Variants in ZNF136 observed in about 807,000 individuals in gnomAD.
ZNF136 encodes zinc finger protein 136 (clone pHZ-20).
In ZNF136, 8 loss-of-function variants were observed where a neutral mutation model predicts 11.4. The ratio of observed to expected loss-of-function variants is 0.70; its 90% confidence interval spans 0.41 to 1.27. ZNF136 has a LOEUF of 1.27. Ranked by LOEUF, ZNF136 falls within the 50% of genes most tolerant of loss-of-function variation. The pLI is 0.01. For synonymous variants in ZNF136, 190 were observed against 207.1 expected, an observed-to-expected ratio of 0.92 and a Z score of 0.71; for missense variants, 590 against 656.5, an observed-to-expected ratio of 0.90 and a Z score of 1.11.
Position 12,186,633 on chromosome 19 carries a change from C to G in ZNF136, c.255C>G (p.Ser85Arg), listed in dbSNP as rs1271792551. The G allele has an allele frequency of 3.7e-6, 6 of 1,614,058 alleles. No individual in the cohort carries two copies. The highest frequency in any genetic ancestry group is 5.1e-6 in the Non-Finnish European group (6 of 1,179,988). The change falls in exon 4 of 4, where the codon AGC (serine) becomes AGG (arginine). Residue 85 changes from serine (S) to arginine (R), a missense_variant. Coordinates refer to ENST00000343979, the MANE Select transcript of ZNF136 (RefSeq NM_003437.5). Reference protein sequence around the residue: ...KDGSQRGGIFSQFANQNLSKK... With the variant: ...KDGSQRGGIFRQFANQNLSKK... ...GTAGTCAGCGTGGAGGAATTTTTAG[C>G]CAGTTTGCAAATCAGAATCTGAGCA...
At position 12,187,235 on chromosome 19, in the gene ZNF136, G is replaced by GT. The variant is rs1915128281; in HGVS notation, c.858dup (p.Lys287Ter). ...AAACCCTTTAAATGTAAGCAATGTGGTAAAGCCTTCAGTTGTTCCCCAACC... is the reference window on the plus strand; with the variant it reads ...AAACCCTTTAAATGTAAGCAATGTGGTTAAAGCCTTCAGTTGTTCCCCAACC... On this transcript the variant is annotated frameshift_variant, in exon 4 of 4. Transcript: ENST00000343979. LOFTEE classifies it low-confidence loss of function (END_TRUNC). 6.2e-7 allele frequency: 1 copy of GT among 1,613,836 alleles called. No individual in the cohort carries two copies. The highest frequency in any genetic ancestry group is 1.3e-5 in the African/African-American group (1 of 74,874).
rs187716229 is a variant in ZNF136, at chr19:12,180,118, G to A, written c.4-5667G>A. 4.5e-3 allele frequency among the ~76,000 whole-genome samples: 677 copies of A among 152,084 alleles called. 3 individuals carry two copies. The highest frequency in any genetic ancestry group is 0.015 in the African/African-American group (640 of 41,500). ...CCTGACCTCGTGATCTGCCTGCCTC[G>A]GTCTCCCAAAGTGCTGGGATTACAG... On this transcript the variant is annotated intron_variant, in intron 1 of 3. Coordinates refer to ENST00000343979, the MANE Select transcript of ZNF136 (RefSeq NM_003437.5).
In ZNF136 at chr19:12,187,821, T is replaced by A; in HGVS notation, c.1443T>A (p.Cys481Ter). Residue 481 changes from cysteine (C) to a stop codon, truncating the protein, a stop_gained, in exon 4 of 4, where the codon TGT becomes TGA. Transcript: ENST00000343979. LOFTEE classifies it low-confidence loss of function (END_TRUNC). ...AGAAACCCTTTGAATGTAAGCGATG[T>A]GGTAAAGCCTTTAGATCTTCTAGTT... is the stretch of plus-strand genomic sequence containing the variant. Reference protein sequence around the residue: ...TGEKPFECKRCGKAFRSSSSF... With the variant: ...TGEKPFECKR The A allele has an allele frequency of 6.2e-7, 1 of 1,605,586 alleles. No homozygotes were observed. The highest frequency in any genetic ancestry group is 2.2e-5 in the East Asian group (1 of 44,844).
In ZNF136 at chr19:12,163,226, C is replaced by G. The variant is rs528572104; in HGVS notation, c.3+20C>G. ...GAAATGGTGAGTGTGTCGGGCCCTG[C>G]GTCCCGAGACAGGGAGGAGGGGCTG... is the stretch of plus-strand genomic sequence containing the variant. On this transcript the variant is annotated intron_variant, in intron 1 of 3. Transcript: ENST00000343979. The G allele has an allele frequency of 2.9e-6, 4 of 1,378,236 alleles. No individual in the cohort carries two copies. The allele number at this position is 1,378,236 out of a possible 1,614,324, so 85.4% of individuals were successfully genotyped here.
chr19:12,170,239 C>T (rs761723255), intron 1 of ZNF136, among the ~76,000 whole-genome samples: 19 of 152,052 alleles, frequency 1.2e-4, no homozygotes, highest in Non-Finnish European at 2.8e-4. Flanking sequence ...TTTGTGGTTT[C>T]TTTGCCTCAG....
intron 1 of ZNF136, among the ~76,000 whole-genome samples, chr19:12,184,175 A>G (rs1036648961): frequency 1.3e-5 from 2 of 151,642 alleles, no homozygotes; most frequent in Non-Finnish European, 2.9e-5. Flanking sequence ...TTGAGGCGGG[A>G]TAATCCCTTG....
At chr19:12,174,857 CTTTTTTT>C (rs538143217) in intron 1 of ZNF136, among the ~76,000 whole-genome samples, 6 of 87,230 alleles carry the variant, frequency 6.9e-5, no homozygotes, top group South Asian at 3.8e-4. Flanking sequence ...GGATGGCTTT[CTTTTTTT>C]TTTTTTTTTT....
chr19:12,173,712 C>T (rs750701241), intron 1 of ZNF136, among the ~76,000 whole-genome samples: 28 of 152,186 alleles, frequency 1.8e-4, no homozygotes, highest in Admixed American at 3.3e-4. Context: ...TGTTATGGGA[C>T]CCTCAATTTG....
rs567884635 is a variant in ZNF136, at chr19:12,188,194, G to T, written c.*193G>T. ...TTTAGTTCCTTTCAAATACATGAAA[G>T]AACTCATCATGGAGAAAACCAAACA... is the stretch of plus-strand genomic sequence containing the variant. On this transcript the variant is annotated 3_prime_UTR_variant, in exon 4 of 4. Transcript: ENST00000343979. 4.5e-6 allele frequency: 2 copies of T among 449,276 alleles called. No individual in the cohort carries two copies. Among genetic ancestry groups the T allele is most frequent in the Admixed American group, 7.7e-5 (2 of 25,978 alleles). The allele number at this position is 449,276 out of a possible 1,614,324, so 27.8% of individuals were successfully genotyped here. A position where few individuals can be genotyped will look rare whatever the true frequency, so the allele number is the denominator to read the frequency against.
chr19:12,167,753 A>C (rs1035994471), intron 1 of ZNF136, among the ~76,000 whole-genome samples: 4 of 152,196 alleles, frequency 2.6e-5, no homozygotes, highest in Non-Finnish European at 5.9e-5. Context: ...ACCTTTGTAC[A>C]AAAGGCAAAA....
intron 1 of ZNF136, chr19:12,184,680 C>CT (rs1159337378): frequency 6.6e-6 from 1 of 151,958 alleles, no homozygotes; most frequent in Non-Finnish European, 1.5e-5. Flanking sequence ...AGAAGATGGG[C>CT]TTAATTTTCC....
intron 1 of ZNF136, among the ~76,000 whole-genome samples, chr19:12,181,992 G>A (rs1343928832): frequency 3.3e-5 from 5 of 151,768 alleles, no homozygotes; most frequent in African/African-American, 4.8e-5. Flanking sequence ...GGCTGGTCTC[G>A]AACTCCTGAC....
intron 1 of ZNF136, among the ~76,000 whole-genome samples, chr19:12,165,456 C>T (rs80200968): frequency 0.015 from 2,256 of 152,244 alleles, 22 homozygotes; most frequent in Non-Finnish European, 0.026. Context: ...AATGTATTTC[C>T]CAAGAGGTAG....
Position 12,178,621 on chromosome 19 carries a change from TAAA to T in ZNF136, c.4-7160_4-7158del, listed in dbSNP as rs1259636297. Among the ~76,000 whole-genome samples, 6 of 152,328 alleles carry T rather than the reference TAAA, an allele frequency of 3.9e-5. No homozygotes were observed. In the East Asian group the frequency reaches 1.2e-3, roughly 29 times the overall value. ...CTTTTTCATTTGCTGCTAAGTTATA[TAAA>T]AAATTCCATTGCAATCATGGATCAG... On this transcript the variant is annotated intron_variant, in intron 1 of 3. Coordinates refer to ENST00000343979, the MANE Select transcript of ZNF136 (RefSeq NM_003437.5).
intron 1 of ZNF136, among the ~76,000 whole-genome samples, chr19:12,182,106 T>G (rs903736033): frequency 8.5e-5 from 13 of 152,146 alleles, no homozygotes; most frequent in Non-Finnish European, 1.5e-4. Context: ...TAGAGAAAGA[T>G]GTCATATTTT....
chr19:12,185,635 G>A (rs1357128275), intron 1 of ZNF136, 150 bp from the exon 2 acceptor site: 3 of 920,926 alleles, frequency 3.3e-6, no homozygotes, highest in African/African-American at 1.7e-5. Flanking sequence ...TATGAGAGTT[G>A]CTGTGTGGAA....
In ZNF136 at chr19:12,185,789, C is replaced by A. The variant is rs141763944; in HGVS notation, c.8C>A (p.Ser3Ter). Residue 3 changes from serine (S) to a stop codon, truncating the protein, a stop_gained, in exon 2 of 4, where the codon TCG (serine) becomes TAG (stop). Transcript: ENST00000343979. LOFTEE classifies it high-confidence loss of function. ...CACATATGTGGGATGTTTCAGGACT[C>A]GGTGGCTTTTGAGGATGTAGATGTG... is the stretch of plus-strand genomic sequence containing the variant. MD[S>*]VAFEDVDVNF... The A allele has an allele frequency of 6.2e-7, 1 of 1,613,048 alleles. No homozygotes were observed. The highest frequency in any genetic ancestry group is 1.3e-5 in the African/African-American group (1 of 74,806).
At chr19:12,179,445 G>A (rs2145636705) in intron 1 of ZNF136, among the ~76,000 whole-genome samples, 1 of 152,028 alleles carries the variant, frequency 6.6e-6, no homozygotes, top group African/African-American at 2.4e-5. Flanking sequence ...TGAGTAGCTG[G>A]GATTACAGGC....
At position 12,186,928 on chromosome 19, in the gene ZNF136, A is replaced by G; in HGVS notation, c.550A>G (p.Arg184Gly). 1 of 1,613,966 alleles carries G rather than the reference A, an allele frequency of 6.2e-7. No individual in the cohort carries two copies. The highest frequency in any genetic ancestry group is 8.5e-7 in the Non-Finnish European group (1 of 1,179,966). Reference sequence around the variant, plus strand: ...AACCTTCTTTTCTCTCAAAAGAATTAGAAGACACATCATCACACACAGTGG... The same window carrying G: ...AACCTTCTTTTCTCTCAAAAGAATTGGAAGACACATCATCACACACAGTGG... ...GKTFFSLKRI[R>G]RHIITHSGYT... The change falls in exon 4 of 4, where the codon AGA becomes GGA. Residue 184 changes from arginine to glycine, a missense_variant. Transcript: ENST00000343979.
Sources: allele counts gnomAD v4.1 joint callset (sites outside exome capture counted in the v4.1 genomes callset), GRCh38; gene constraint gnomAD v4.1.1; transcripts MANE v1.5; gene names NCBI Gene and HGNC (gene_info 2026-07-23, HGNC 2026-07-21).